The following PRIM2 variants were observed in gnomAD, a reference collection of about 807,000 sequenced individuals.
The protein encoded by PRIM2 is DNA primase subunit 2.
A neutral mutation model predicts 67.3 loss-of-function variants in PRIM2; 39 were observed. That is an observed-to-expected ratio of 0.58 (90% CI 0.45 to 0.76). The LOEUF is 0.76. Ranked by LOEUF, PRIM2 falls within the 30% of genes least tolerant of loss-of-function variation. PRIM2 has a pLI of 0.00. For missense variants in PRIM2, 398 were observed against 598.7 expected (o/e 0.66, Z 3.50); for synonymous variants, 143 against 198.7 (o/e 0.72, Z 2.36).
the PRIM2 span, among the ~76,000 whole-genome samples, chr6:57,271,936 A>T: frequency 6.6e-6 from 1 of 152,066 alleles, no homozygotes; most frequent in Non-Finnish European, 1.5e-5. Flanking sequence ...AGTTGAGCAG[A>T]TTTGAGTGAG....
chr6:57,625,826 C>T (rs1776941385), intron 12 of PRIM2, among the ~76,000 whole-genome samples: 1 of 152,162 alleles, frequency 6.6e-6, no homozygotes, highest in Non-Finnish European at 1.5e-5. Context: ...GGAAACTTGG[C>T]CCTGATCTGC....
chr6:57,413,790 G>A (rs1197129418), intron 7 of PRIM2, among the ~76,000 whole-genome samples: 6 of 152,026 alleles, frequency 3.9e-5, no homozygotes, highest in Non-Finnish European at 5.9e-5. Flanking sequence ...TAATACTGTT[G>A]TAAAACATTA....
chr6:57,415,425 C>G (rs9464481), intron 7 of PRIM2, among the ~76,000 whole-genome samples: 1 of 152,082 alleles, frequency 6.6e-6, no homozygotes, highest in Non-Finnish European at 1.5e-5. Context: ...GAATGCAATA[C>G]CATCTTTTAA....
intron 5 of PRIM2, among the ~76,000 whole-genome samples, chr6:57,351,531 A>T (rs547726106): frequency 6.6e-6 from 1 of 152,228 alleles, no homozygotes; most frequent in African/African-American, 2.4e-5. Flanking sequence ...TGTGGTAGAC[A>T]TTATGGAAAT....
At chr6:57,265,504 C>A in the PRIM2 span, among the ~76,000 whole-genome samples, 1 of 152,194 alleles carries the variant, frequency 6.6e-6, no homozygotes, top group African/African-American at 2.4e-5. Flanking sequence ...TTTTTCCATA[C>A]ACTTTGGTTT....
At chr6:57,414,105 G>A (rs1197693045) in intron 7 of PRIM2, among the ~76,000 whole-genome samples, 6 of 152,086 alleles carry the variant, frequency 3.9e-5, no homozygotes, top group Non-Finnish European at 2.9e-5. Context: ...CATGGTATAG[G>A]AAGAAGTTCT....
intron 7 of PRIM2, among the ~76,000 whole-genome samples, chr6:57,384,327 A>G (rs1310321589): frequency 2.0e-5 from 3 of 152,134 alleles, no homozygotes; most frequent in Non-Finnish European, 2.9e-5. Flanking sequence ...ACATAACTCA[A>G]GTCTTCACAT....
rs1219395594 is a variant in PRIM2 at position 57,634,020 on chromosome 6, T to A, written c.1299+1819T>A. 3.9e-5 allele frequency among the ~76,000 whole-genome samples: 6 copies of A among 152,200 alleles called. No homozygotes were observed. The East Asian group carries it at 1.2e-3, about 29-fold the overall frequency. On this transcript the variant is annotated intron_variant, in intron 13 of 13. Transcript: ENST00000615550. ...TGACAGCAAGATACTATATGTATATTTCCCTGTCTATGAATAAAACTTAGA... is the reference window on the plus strand; with the variant it reads ...TGACAGCAAGATACTATATGTATATATCCCTGTCTATGAATAAAACTTAGA...
At chr6:57,393,770 T>C (rs112359787) in intron 7 of PRIM2, among the ~76,000 whole-genome samples, 6 of 152,064 alleles carry the variant, frequency 3.9e-5, no homozygotes, top group African/African-American at 1.2e-4. Flanking sequence ...CCCAATGTTA[T>C]CTTCTAGAAT....
At chr6:57,434,158 C>T (rs1771932913) in intron 7 of PRIM2, among the ~76,000 whole-genome samples, 1 of 152,006 alleles carries the variant, frequency 6.6e-6, no homozygotes, top group African/African-American at 2.4e-5. Context: ...CTCCTGACCT[C>T]AGGTGATCTA....
chr6:57,303,446 G>A, the PRIM2 span, among the ~76,000 whole-genome samples: 1 of 152,092 alleles, frequency 6.6e-6, no homozygotes, highest in Non-Finnish European at 1.5e-5. Flanking sequence ...GAGAAAATCT[G>A]ACTGGAAAAT....
chr6:57,565,128 G>A (rs1460270440), intron 10 of PRIM2, among the ~76,000 whole-genome samples: 1 of 151,962 alleles, frequency 6.6e-6, no homozygotes, highest in African/African-American at 2.4e-5. Context: ...TTTTCTCAAT[G>A]ATCATCATAA....
At chr6:57,621,384 A>G (rs1776851162) in intron 12 of PRIM2, among the ~76,000 whole-genome samples, 1 of 152,138 alleles carries the variant, frequency 6.6e-6, no homozygotes, top group Non-Finnish European at 1.5e-5. Context: ...GCCTCTTAAT[A>G]CTAGCAGATT....
intron 10 of PRIM2, among the ~76,000 whole-genome samples, chr6:57,538,644 A>C (rs1327381743): frequency 5.8e-4 from 89 of 152,348 alleles, no homozygotes; most frequent in African/African-American, 2.1e-3. Flanking sequence ...CCAAAATAAA[A>C]TACCGCAGAC....
At chr6:57,491,656 A>G (rs1292770610) in intron 7 of PRIM2, among the ~76,000 whole-genome samples, 1 of 152,202 alleles carries the variant, frequency 6.6e-6, no homozygotes, top group Non-Finnish European at 1.5e-5. Context: ...TTTTAATCAC[A>G]TTGATGCAGG....
chr6:57,443,430 A>C (rs1353606290), intron 7 of PRIM2, among the ~76,000 whole-genome samples: 2 of 152,202 alleles, frequency 1.3e-5, no homozygotes, highest in East Asian at 3.8e-4. Flanking sequence ...CATCTTTTTG[A>C]TAAAAGCCAT....
chr6:57,354,293 A>G (rs1768958538), intron 5 of PRIM2, among the ~76,000 whole-genome samples: 2 of 151,998 alleles, frequency 1.3e-5, no homozygotes, highest in African/African-American at 4.8e-5. Flanking sequence ...GGTAAAGTTG[A>G]CCTGTGGGGA....
intron 7 of PRIM2, among the ~76,000 whole-genome samples, chr6:57,463,630 C>T (rs1253615370): frequency 6.6e-6 from 1 of 152,124 alleles, no homozygotes; most frequent in Non-Finnish European, 1.5e-5. Context: ...AGGAGAAATG[C>T]CACCAAATGC....
chr6:57,615,947 A>G (rs1196403102), intron 12 of PRIM2, among the ~76,000 whole-genome samples: 36 of 152,308 alleles, frequency 2.4e-4, no homozygotes, highest in African/African-American at 8.4e-4. Flanking sequence ...TCTTTTTGTT[A>G]TACTGAATCA....
Sources: allele counts gnomAD v4.1 joint callset (sites outside exome capture counted in the v4.1 genomes callset), GRCh38; gene constraint gnomAD v4.1.1; transcripts MANE v1.5; gene names NCBI Gene and HGNC (gene_info 2026-07-23, HGNC 2026-07-21).